Variants in MAP3K5 observed in about 807,000 individuals in gnomAD.
The protein encoded by MAP3K5 is mitogen-activated protein kinase kinase kinase 5.
MAP3K5 carries 56 observed loss-of-function variants against 158.7 expected under a neutral mutation model. That is an observed-to-expected ratio of 0.35 (90% CI 0.28 to 0.44). The LOEUF (loss-of-function observed/expected upper bound fraction) is 0.44, where lower values mean the gene tolerates loss of function less well. MAP3K5 is among the 20% of genes least tolerant of loss of function. The pLI is 1.00. For synonymous variants in MAP3K5, 579 were observed against 601.7 expected, an observed-to-expected ratio of 0.96 and a Z score of 0.55; for missense variants, 1,294 against 1,674.8, an observed-to-expected ratio of 0.77 and a Z score of 3.97.
chr6:136,776,871 T>C (rs868373410), intron 1 of MAP3K5, among the ~76,000 whole-genome samples: 9 of 152,208 alleles, frequency 5.9e-5, no homozygotes, highest in African/African-American at 2.2e-4. Flanking sequence ...ACAACGCAGA[T>C]CTGCAAAATG....
Position 136,614,300 on chromosome 6 carries a change from A to G in MAP3K5, c.2151-14T>C. 6.2e-7 allele frequency: 1 copy of G among 1,610,200 alleles called. No homozygotes were observed. Among genetic ancestry groups the G allele is most frequent in the Non-Finnish European group, 8.5e-7 (1 of 1,178,322 alleles). On this transcript the variant is annotated splice_polypyrimidine_tract_variant and intron_variant, in intron 15 of 29. Transcript: ENST00000359015. ...GGCTGAGAGTATCTAAAAGACATGCAATTGTCAATGAGTTAATTATGTAGC... is the reference window on the plus strand; with the variant it reads ...GGCTGAGAGTATCTAAAAGACATGCGATTGTCAATGAGTTAATTATGTAGC...
At position 136,622,924 on chromosome 6, in the gene MAP3K5, C is replaced by T. The variant is rs1455841947; in HGVS notation, c.2074G>A (p.Gly692Arg). 1 of 977,210 alleles carries T rather than the reference C, an allele frequency of 1.0e-6. No homozygotes were observed. The highest frequency in any genetic ancestry group is 1.6e-6 in the Non-Finnish European group (1 of 630,306). 60.5% of individuals were successfully genotyped at this position (977,210 alleles called of 1,614,324 possible). The part of the protein sequence containing the change: ...DRVVLGKGTY[G>R]IVYAGRDLSN... Reference sequence around the variant, plus strand: ...AAGTCCCGACCTGCGTAGACTATCCCATAAGTGCCTTTTCCTAAAACGACT... The same window carrying T: ...AAGTCCCGACCTGCGTAGACTATCCTATAAGTGCCTTTTCCTAAAACGACT... The change falls in exon 15 of 30, where the codon GGG becomes AGG. Residue 692 changes from glycine (G) to arginine (R), a missense_variant. Coordinates refer to ENST00000359015, the MANE Select transcript of MAP3K5 (RefSeq NM_005923.4).
rs57614973 is a variant in MAP3K5, at chr6:136,604,624, C to T, written c.2679+585G>A. ...ATGCTGGCACTTGTGCTCTCATGAG[C>T]CTATTTCTATTATCAGGTACCTCCT... On this transcript the variant is annotated intron_variant, in intron 19 of 29. Coordinates refer to ENST00000359015, the MANE Select transcript of MAP3K5 (RefSeq NM_005923.4). Among the ~76,000 whole-genome samples the T allele has an allele frequency of 5.3e-3, 806 of 152,158 alleles. 5 individuals are homozygous for T. Among genetic ancestry groups the T allele is most frequent in the African/African-American group, 0.018 (761 of 41,528 alleles).
chr6:136,667,366 A>C (rs1779273202), intron 8 of MAP3K5, among the ~76,000 whole-genome samples: 1 of 152,224 alleles, frequency 6.6e-6, no homozygotes, highest in Admixed American at 6.5e-5. Context: ...TATTATAATC[A>C]TAATTTCTGA....
At chr6:136,737,724 G>A (rs9321569) in intron 1 of MAP3K5, among the ~76,000 whole-genome samples, 11,862 of 152,222 alleles carry the variant, frequency 0.078, 1,545 homozygotes, top group African/African-American at 0.27. Flanking sequence ...TACTGAGAAG[G>A]GGTCAAAGAA....
chr6:136,600,368 T>A (rs907235809), intron 21 of MAP3K5, among the ~76,000 whole-genome samples: 1 of 151,878 alleles, frequency 6.6e-6, no homozygotes, highest in Non-Finnish European at 1.5e-5. Context: ...TTTTTCTGTA[T>A]TTTTAGTAGA....
rs897486770 is a variant in MAP3K5, at chr6:136,757,586, A to ATT, written c.448+34122_448+34123dup. On this transcript the variant is annotated intron_variant, in intron 1 of 29. Coordinates refer to ENST00000359015, the MANE Select transcript of MAP3K5 (RefSeq NM_005923.4). The stretch of plus-strand genomic sequence containing the variant: ...TTATAGATTTATTTATTTATTTTTT[A>ATT]TTTTTTTTTTTTTTTTTTGAGACGG... Among the ~76,000 whole-genome samples, 32 of 127,824 alleles carry ATT rather than the reference A, an allele frequency of 2.5e-4. No homozygotes were observed. The East Asian group carries it at 3.2e-3, about 13-fold the overall frequency. 83.9% of individuals were successfully genotyped at this position (127,824 alleles called of 152,430 possible).
At chr6:136,574,500 G>A (rs556112267) in intron 25 of MAP3K5, among the ~76,000 whole-genome samples, 1 of 152,150 alleles carries the variant, frequency 6.6e-6, no homozygotes, top group African/African-American at 2.4e-5. Flanking sequence ...CATAGTCTCT[G>A]TGCTCAGCAT....
At chr6:136,771,055 T>C (rs991018238) in intron 1 of MAP3K5, among the ~76,000 whole-genome samples, 1 of 152,182 alleles carries the variant, frequency 6.6e-6, no homozygotes, top group Non-Finnish European at 1.5e-5. Context: ...CCAATTTCTG[T>C]ATGAAAGTAC....
intron 1 of MAP3K5, among the ~76,000 whole-genome samples, chr6:136,762,736 A>G (rs1783811947): frequency 6.6e-6 from 1 of 152,114 alleles, no homozygotes; most frequent in Admixed American, 6.5e-5. Context: ...TTGCAGGTGA[A>G]TTAAAGCAGT....
chr6:136,788,242 T>C (rs954550629), intron 1 of MAP3K5, among the ~76,000 whole-genome samples: 5 of 152,136 alleles, frequency 3.3e-5, no homozygotes, highest in Admixed American at 1.3e-4. Flanking sequence ...CAGAATAAAA[T>C]TGGACCCCTA....
intron 1 of MAP3K5, among the ~76,000 whole-genome samples, chr6:136,770,963 T>C (rs1014654949): frequency 3.3e-5 from 5 of 152,210 alleles, no homozygotes; most frequent in African/African-American, 7.2e-5. Context: ...AACTCCTTAT[T>C]ATATTAAAGG....
chr6:136,692,444 C>T (rs371395823), intron 7 of MAP3K5, among the ~76,000 whole-genome samples: 6 of 152,294 alleles, frequency 3.9e-5, no homozygotes, highest in East Asian at 1.9e-4. Flanking sequence ...ATCTGTCCTG[C>T]TCCCTGCAGA....
rs1409101648 is a variant in MAP3K5 at position 136,694,316 on chromosome 6, G to T, written c.1083-6C>A. On this transcript the variant is annotated splice_region_variant and splice_polypyrimidine_tract_variant and intron_variant, in intron 6 of 29. Coordinates refer to ENST00000359015, the MANE Select transcript of MAP3K5 (RefSeq NM_005923.4). ...TGTCACCAGGGAGATTTCTCCTAAGGCAGAAAACATTGTTGTTTCAATATA... is the reference window on the plus strand; with the variant it reads ...TGTCACCAGGGAGATTTCTCCTAAGTCAGAAAACATTGTTGTTTCAATATA... 1 of 1,605,066 alleles carries T rather than the reference G, an allele frequency of 6.2e-7. No homozygotes were observed. The highest frequency in any genetic ancestry group is 8.5e-7 in the Non-Finnish European group (1 of 1,178,126).
chr6:136,661,224 A>G (rs568961776), intron 8 of MAP3K5, among the ~76,000 whole-genome samples: 1 of 152,308 alleles, frequency 6.6e-6, no homozygotes, highest in Admixed American at 6.5e-5. Context: ...GTTACTTTTT[A>G]TCGTATAATT....
At chr6:136,769,771 GGAAGGAAGGA>G (rs1784108054) in intron 1 of MAP3K5, among the ~76,000 whole-genome samples, 19 of 41,936 alleles carry the variant, frequency 4.5e-4, no homozygotes, top group African/African-American at 1.9e-3. Flanking sequence ...AAGGAAGGAA[GGAAGGAAGGA>G]AGGAAGGAAG....
chr6:136,753,026 C>G (rs1028125736), intron 1 of MAP3K5, among the ~76,000 whole-genome samples: 13 of 152,140 alleles, frequency 8.5e-5, no homozygotes, highest in Admixed American at 5.2e-4. Context: ...ATTTATAATC[C>G]CTAGCTCTAG....
chr6:136,615,647 A>C (rs1039108197), intron 15 of MAP3K5, among the ~76,000 whole-genome samples: 1 of 152,210 alleles, frequency 6.6e-6, no homozygotes, highest in Non-Finnish European at 1.5e-5. Flanking sequence ...TTACTTAAGA[A>C]GCTAAATATT....
chr6:136,565,775 G>C (rs954848313), intron 26 of MAP3K5, among the ~76,000 whole-genome samples: 2 of 152,154 alleles, frequency 1.3e-5, no homozygotes, highest in Non-Finnish European at 2.9e-5. Flanking sequence ...TACTAAAGCA[G>C]CTGTCCTTTC....
Sources: gnomAD v4.1 joint callset for allele counts (sites outside exome capture counted in the v4.1 genomes callset) on GRCh38, gnomAD v4.1.1 for gene constraint, MANE v1.5 for transcripts, NCBI Gene and HGNC (gene_info 2026-07-23, HGNC 2026-07-21) for gene names.